The following DMTF1 variants were observed in gnomAD, a reference collection of about 807,000 sequenced individuals.
DMTF1 encodes the protein cyclin D binding myb like transcription factor 1.
DMTF1 carries 39 observed loss-of-function variants against 91.1 expected under a neutral mutation model. The observed-to-expected ratio is 0.43, with a 90% CI of 0.33 to 0.56. DMTF1 has a LOEUF of 0.56. DMTF1 is among the 20% of genes least tolerant of loss of function. The pLI, the probability that DMTF1 is intolerant of heterozygous loss-of-function variation, is 0.05. For missense variants in DMTF1, 750 were observed against 914.5 expected (o/e 0.82, Z 2.32); for synonymous variants, 338 against 309.5 (o/e 1.09, Z -0.97).
chr7:87,188,159 A>T lies in DMTF1; in HGVS notation c.1269A>T (p.Lys423Asn). 1 of 1,613,994 alleles carries T rather than the reference A, an allele frequency of 6.2e-7. No homozygotes were observed. The highest frequency in any genetic ancestry group is 1.3e-5 in the African/African-American group (1 of 75,044). Residue 423 changes from lysine to asparagine, a missense_variant, in exon 13 of 18, where the codon AAA becomes AAT. Lys to Asn is a moderately conservative substitution (Grantham distance 94, BLOSUM62 0). Around this residue, in one of 3 missense-constraint regions of DMTF1, gnomAD observed 410 missense variants for 420.2 expected, o/e 0.98. Transcript: ENST00000331242. ...ACAACCCAACGCTTTTGGAGAATAA[A>T]TCAGGATCTGGAGTTCCAAACAGTA... Reference protein sequence around the residue: ...QKNNPTLLENKSGSGVPNSNT... With the variant: ...QKNNPTLLENNSGSGVPNSNT...
At chr7:87,175,902 T>A (rs1316490381) in intron 7 of DMTF1, among the ~76,000 whole-genome samples, 1 of 152,174 alleles carries the variant, frequency 6.6e-6, no homozygotes, top group African/African-American at 2.4e-5. Flanking sequence ...GAAAAGCTAG[T>A]AGTTTAGTTG....
chr7:87,188,249 C>T lies in DMTF1; in HGVS notation c.1359C>T (p.Ile453=), dbSNP rs1562846730. Residue 453 remains isoleucine (I), a synonymous_variant, in exon 13 of 18, where the codon ATC becomes ATT. Coordinates refer to ENST00000331242, the MANE Select transcript of DMTF1 (RefSeq NM_001142327.2). ...RVARLEDNTA[I]SSSPMAALQI... is the part of the protein sequence containing the mutation. The stretch of plus-strand genomic sequence containing the variant: ...CCCGCTTGGAAGATAATACAGCCAT[C>T]TCTTCTAGCCCCATGGCAGCATTGC... 6.2e-7 allele frequency: 1 copy of T among 1,613,884 alleles called. No homozygotes were observed. The highest frequency in any genetic ancestry group is 2.2e-5 in the East Asian group (1 of 44,890).
At chr7:87,159,189 A>T (rs749127182) in intron 1 of DMTF1, among the ~76,000 whole-genome samples, 1 of 152,180 alleles carries the variant, frequency 6.6e-6, no homozygotes, top group Non-Finnish European at 1.5e-5. Flanking sequence ...CAGGCACATG[A>T]TAAGACTAGA....
chr7:87,159,016 A>G (rs1468158830), intron 1 of DMTF1, among the ~76,000 whole-genome samples: 1 of 152,142 alleles, frequency 6.6e-6, no homozygotes, highest in African/African-American at 2.4e-5. Flanking sequence ...TGTTCTTTTA[A>G]AAAACAAGAT....
Position 87,191,143 on chromosome 7 carries a change from G to A in DMTF1, c.1494+116G>A, listed in dbSNP as rs1558050. On this transcript the variant is annotated intron_variant, in intron 14 of 17. Transcript: ENST00000331242. ...AAAGTCTGAGGCCAAATGAATGGTA[G>A]ACTAAATCAGACTTCTACTTTTATA... 0.75 allele frequency: 478,982 copies of A among 635,122 alleles called. 182,256 individuals carry two copies. Among genetic ancestry groups the A allele is most frequent in the Middle Eastern group, 0.83 (3,258 of 3,930 alleles). The allele number at this position is 635,122 out of a possible 1,614,324, so 39.3% of individuals were successfully genotyped here.
intron 9 of DMTF1, 99 bp from the exon 10 acceptor site, chr7:87,182,129 A>G: frequency 1.9e-6 from 3 of 1,571,840 alleles, no homozygotes; most frequent in Non-Finnish European, 2.6e-6. Context: ...ACAACTTCCA[A>G]ACCAGTCAAA....
intron 16 of DMTF1, chr7:87,194,303 A>C (rs11971131): frequency 0.055 from 31,615 of 574,592 alleles, 983 homozygotes; most frequent in Middle Eastern, 0.082. Context: ...GTTCTATCTT[A>C]CCACAGTTCC....
chr7:87,192,522 A>G (rs1042179842), intron 14 of DMTF1: 19 of 152,136 alleles, frequency 1.2e-4, no homozygotes, highest in African/African-American at 4.6e-4. Context: ...TAAGTACACA[A>G]GACTGAAAAA....
chr7:87,194,310 T>C (rs1584488983), intron 16 of DMTF1: 1 of 547,794 alleles, frequency 1.8e-6, no homozygotes, highest in South Asian at 2.9e-5. Flanking sequence ...CTTACCACAG[T>C]TCCTCACTAA....
chr7:87,194,674 TG>T lies in DMTF1; in HGVS notation c.2029-9del. On this transcript the variant is annotated splice_polypyrimidine_tract_variant and intron_variant, in intron 16 of 17. Coordinates refer to ENST00000331242, the MANE Select transcript of DMTF1 (RefSeq NM_001142327.2). ...ATATGAGTCAATATTTTTTTTTTAA[TG>T]TTATTTAGGGTTTAGAGTCTCCCAC... is the stretch of plus-strand genomic sequence containing the variant. 6.3e-7 allele frequency: 1 copy of T among 1,582,324 alleles called. No individual in the cohort carries two copies. Among genetic ancestry groups the T allele is most frequent in the Admixed American group, 1.7e-5 (1 of 57,704 alleles).
intron 2 of DMTF1, among the ~76,000 whole-genome samples, 165 bp from the exon 3 acceptor site, chr7:87,164,769 T>G (rs1276353677): frequency 6.6e-6 from 1 of 152,254 alleles, no homozygotes; most frequent in Non-Finnish European, 1.5e-5. Flanking sequence ...TATAAATTTG[T>G]GAAAGGCAGT....
chr7:87,164,874 G>A, intron 2 of DMTF1, 60 bp from the exon 3 acceptor site: 1 of 960,220 alleles, frequency 1.0e-6, no homozygotes, highest in East Asian at 2.6e-5. Context: ...GATTATAAGG[G>A]AATACTTCAT....
intron 11 of DMTF1, 66 bp from the exon 12 acceptor site, chr7:87,185,763 G>A (rs1347475009): frequency 6.4e-7 from 1 of 1,566,808 alleles, no homozygotes; most frequent in African/African-American, 1.4e-5. Context: ...ATTACCTGTA[G>A]TCAGAGGAGG....
At chr7:87,156,874 AATAAC>A (rs1167567402) in intron 1 of DMTF1, among the ~76,000 whole-genome samples, 2 of 152,184 alleles carry the variant, frequency 1.3e-5, no homozygotes, top group Admixed American at 1.3e-4. Flanking sequence ...GGAGTTTTAT[AATAAC>A]ATAGCTACAA....
At chr7:87,159,372 A>G (rs1791622585) in intron 1 of DMTF1, among the ~76,000 whole-genome samples, 1 of 148,740 alleles carries the variant, frequency 6.7e-6, no homozygotes, top group African/African-American at 2.5e-5. Flanking sequence ...AACTGATGAT[A>G]AAGCTGAATT....
chr7:87,191,661 T>G (rs1489022384), intron 14 of DMTF1, among the ~76,000 whole-genome samples: 1 of 152,046 alleles, frequency 6.6e-6, no homozygotes, highest in Non-Finnish European at 1.5e-5. Flanking sequence ...ATAGGCTAAG[T>G]GAAAGAAACC....
At chr7:87,180,449 A>G (rs1797087023) in intron 8 of DMTF1, among the ~76,000 whole-genome samples, 2 of 152,256 alleles carry the variant, frequency 1.3e-5, no homozygotes, top group Non-Finnish European at 2.9e-5. Context: ...TTACAAAGTG[A>G]GCAGCGTTTC....
chr7:87,194,797 T>G lies in DMTF1; in HGVS notation c.2142T>G (p.Thr714=). The G allele has an allele frequency of 6.2e-7, 1 of 1,612,162 alleles. No individual in the cohort carries two copies. Among genetic ancestry groups the G allele is most frequent in the East Asian group, 2.2e-5 (1 of 44,762 alleles). ...GFIQASDVID[T]ESVLPLTTLT... is the part of the protein sequence containing the mutation. ...TCCAGGCATCTGATGTTATAGATAC[T>G]GAATCTGTCTTGCCTTTGACAACAC... The change falls in exon 17 of 18, where the codon ACT becomes ACG. Residue 714 remains threonine, a synonymous_variant. Coordinates refer to ENST00000331242, the MANE Select transcript of DMTF1 (RefSeq NM_001142327.2).
chr7:87,178,773 C>CTTTTTTTTT (rs34451577), intron 7 of DMTF1, among the ~76,000 whole-genome samples: 1 of 146,480 alleles, frequency 6.8e-6, no homozygotes. Flanking sequence ...AATGTACCCA[C>CTTTTTTTTT]TTTTTTTTTT....
Sources: gnomAD v4.1 joint callset for allele counts (sites outside exome capture counted in the v4.1 genomes callset) on GRCh38, gnomAD v4.1.1 for gene constraint, gnomAD v4.1.1 regional missense constraint, MANE v1.5 for transcripts, NCBI Gene and HGNC (gene_info 2026-07-23, HGNC 2026-07-21) for gene names.